EPHA3: variants seen among roughly 807,000 people sequenced by gnomAD.
The protein encoded by EPHA3 is ephrin type-A receptor 3.
In EPHA3, 42 loss-of-function variants were observed where a neutral mutation model predicts 107.1. The ratio of observed to expected loss-of-function variants is 0.39; its 90% CI spans 0.31 to 0.51. EPHA3 has a LOEUF of 0.51. Among genes scored for constraint, EPHA3 ranks in the 20% least tolerant of loss-of-function variants. The pLI is 0.78. For missense variants in EPHA3, 1,183 were observed against 1,211.2 expected (o/e 0.98, Z 0.35); for synonymous variants, 461 against 424.8 (o/e 1.09, Z -1.05).
At chr3:89,210,630 C>A in intron 3 of EPHA3, 110 bp downstream of exon 3, 1 of 1,144,130 alleles carries the variant, frequency 8.7e-7, no homozygotes, top group South Asian at 1.7e-5. Flanking sequence ...GGAAAACATG[C>A]CTCAAACTGA....
intron 2 of EPHA3, among the ~76,000 whole-genome samples, chr3:89,151,684 T>A (rs1183740751): frequency 6.6e-6 from 1 of 152,124 alleles, no homozygotes; most frequent in Non-Finnish European, 1.5e-5. Context: ...TCCAAACTAA[T>A]ATACAAACAA....
intron 5 of EPHA3, among the ~76,000 whole-genome samples, chr3:89,387,711 C>A (rs1050040441): frequency 6.7e-6 from 1 of 148,308 alleles, no homozygotes; most frequent in African/African-American, 2.6e-5. Context: ...ATTTTTATAA[C>A]AAGGAATATG....
chr3:89,366,310 GC>G (rs1276600281), intron 5 of EPHA3, among the ~76,000 whole-genome samples: 1 of 150,370 alleles, frequency 6.7e-6, no homozygotes, highest in Non-Finnish European at 1.5e-5. Context: ...GAATAAAGGA[GC>G]AAGGGGGGAG....
At chr3:89,137,663 AT>A (rs151052701) in intron 2 of EPHA3, among the ~76,000 whole-genome samples, 521 of 152,146 alleles carry the variant, frequency 3.4e-3, no homozygotes, top group African/African-American at 0.012. Flanking sequence ...AATTATGTGA[AT>A]AAAAATATTA....
chr3:89,282,276 C>T (rs1289467060), intron 3 of EPHA3, among the ~76,000 whole-genome samples: 1 of 152,080 alleles, frequency 6.6e-6, no homozygotes, highest in East Asian at 1.9e-4. Context: ...TGAGAAGTGA[C>T]ATTTAAGCTG....
intron 5 of EPHA3, among the ~76,000 whole-genome samples, chr3:89,374,583 T>A (rs528004385): frequency 1.1e-4 from 16 of 151,926 alleles, no homozygotes; most frequent in Non-Finnish European, 2.2e-4. Context: ...TACAGCAATT[T>A]CATCAAAGAA....
intron 3 of EPHA3, among the ~76,000 whole-genome samples, chr3:89,255,323 T>C (rs1288765530): frequency 6.6e-6 from 1 of 152,164 alleles, no homozygotes; most frequent in Non-Finnish European, 1.5e-5. Flanking sequence ...TCCTATATCA[T>C]GGCCAAAGAG....
chr3:89,129,094 G>T (rs1704147953), intron 2 of EPHA3, among the ~76,000 whole-genome samples: 1 of 152,098 alleles, frequency 6.6e-6, no homozygotes, highest in African/African-American at 2.4e-5. Flanking sequence ...TATCTCAATA[G>T]GTGACTCTTT....
At chr3:89,203,207 G>A (rs1429009223) in intron 2 of EPHA3, among the ~76,000 whole-genome samples, 3 of 151,556 alleles carry the variant, frequency 2.0e-5, no homozygotes, top group Non-Finnish European at 4.4e-5. Context: ...CAGTGTTGGG[G>A]GTTAGAATGT....
chr3:89,151,874 A>G (rs1704697381), intron 2 of EPHA3, among the ~76,000 whole-genome samples: 1 of 152,090 alleles, frequency 6.6e-6, no homozygotes, highest in African/African-American at 2.4e-5. Flanking sequence ...CTGAAGCTCA[A>G]GTAAGAAAAC....
chr3:89,380,997 G>A (rs1307812026), intron 5 of EPHA3, among the ~76,000 whole-genome samples: 1 of 149,784 alleles, frequency 6.7e-6, no homozygotes. Context: ...TTTTGAGACA[G>A]AGTCTCGCTC....
chr3:89,439,362 G>A (rs535553451), intron 13 of EPHA3, among the ~76,000 whole-genome samples: 41 of 152,256 alleles, frequency 2.7e-4, no homozygotes, highest in Non-Finnish European at 1.5e-5. Flanking sequence ...GGAGGCTGAC[G>A]TGGGAGGGTC....
chr3:89,173,403 C>T (rs986657995), intron 2 of EPHA3, among the ~76,000 whole-genome samples: 64 of 152,158 alleles, frequency 4.2e-4, no homozygotes, highest in African/African-American at 1.4e-3. Flanking sequence ...TAACTTCTCA[C>T]AGCAGATAAG....
intron 3 of EPHA3, among the ~76,000 whole-genome samples, chr3:89,316,524 AT>A (rs1706910733): frequency 7.0e-6 from 1 of 143,782 alleles, no homozygotes; most frequent in East Asian, 2.0e-4. Flanking sequence ...ATATATATAT[AT>A]ATATATATAT....
intron 2 of EPHA3, among the ~76,000 whole-genome samples, chr3:89,195,195 C>T (rs998343874): frequency 6.6e-6 from 1 of 151,824 alleles, no homozygotes; most frequent in Non-Finnish European, 1.5e-5. Context: ...TTAGATTCTA[C>T]CCATATTAAA....
At chr3:89,420,519 T>C (rs1237289131) in intron 11 of EPHA3, among the ~76,000 whole-genome samples, 1 of 151,530 alleles carries the variant, frequency 6.6e-6, no homozygotes, top group East Asian at 1.9e-4. Context: ...TTTTATTTGT[T>C]TGCCTATGTA....
chr3:89,427,698 T>C (rs903392574), intron 11 of EPHA3, among the ~76,000 whole-genome samples: 7 of 151,944 alleles, frequency 4.6e-5, no homozygotes, highest in African/African-American at 1.4e-4. Flanking sequence ...TGCTATCTAA[T>C]TGTATTACCT....
At chr3:89,381,762 T>C (rs1174564877) in intron 5 of EPHA3, among the ~76,000 whole-genome samples, 1 of 152,208 alleles carries the variant, frequency 6.6e-6, no homozygotes, top group Non-Finnish European at 1.5e-5. Context: ...AGTGCTCTTA[T>C]AATGAAGGCT....
At chr3:89,194,847 T>C (rs1012319026) in intron 2 of EPHA3, among the ~76,000 whole-genome samples, 1 of 152,140 alleles carries the variant, frequency 6.6e-6, no homozygotes. Context: ...AAATGCTCCT[T>C]TTCCAGCAGT....
Sources: allele counts gnomAD v4.1 joint callset (sites outside exome capture counted in the v4.1 genomes callset), GRCh38; gene constraint gnomAD v4.1.1; transcripts MANE v1.5; gene names NCBI Gene and HGNC (gene_info 2026-07-23, HGNC 2026-07-21).